NCOA7: variants seen among roughly 807,000 people sequenced by gnomAD.
NCOA7 encodes 140 kDa estrogen receptor-associated protein.
NCOA7 carries 45 observed loss-of-function variants against 104.3 expected under a neutral mutation model. The observed-to-expected ratio is 0.43, with a 90% CI of 0.34 to 0.55. NCOA7 has a LOEUF of 0.55. Ranked by LOEUF, NCOA7 falls within the 20% of genes least tolerant of loss-of-function variation. NCOA7 has a pLI of 0.02. For synonymous variants in NCOA7, 398 were observed against 402.3 expected, an observed-to-expected ratio of 0.99 and a Z score of 0.13; for missense variants, 1,041 against 1,119.7, an observed-to-expected ratio of 0.93 and a Z score of 1.00.
intron 8 of NCOA7, among the ~76,000 whole-genome samples, chr6:125,888,231 G>T (rs1219613910): frequency 6.6e-6 from 1 of 152,146 alleles, no homozygotes; most frequent in East Asian, 1.9e-4. Flanking sequence ...ATTTACTTAA[G>T]AAATGTAAGT....
intron 10 of NCOA7, among the ~76,000 whole-genome samples, chr6:125,891,229 C>A (rs1784598688): frequency 6.6e-6 from 1 of 152,114 alleles, no homozygotes; most frequent in African/African-American, 2.4e-5. Context: ...GATTTATTGT[C>A]CTTATGGAGG....
At chr6:125,928,324 G>T in intron 15 of NCOA7, 77 bp downstream of exon 15, 1 of 1,319,666 alleles carries the variant, frequency 7.6e-7, no homozygotes, top group Non-Finnish European at 1.1e-6. Flanking sequence ...GACCTACGTA[G>T]TTAAAACTTC....
In NCOA7 at chr6:125,864,958, T is replaced by C. The variant is rs1416719494; in HGVS notation, c.271+9718T>C. Among the ~76,000 whole-genome samples, 2 of 138,068 alleles carry C rather than the reference T, an allele frequency of 1.4e-5. 1 individual carries two copies. Among genetic ancestry groups the C allele is most frequent in the Non-Finnish European group, 3.1e-5 (2 of 64,912 alleles). The allele number at this position is 138,068 out of a possible 152,430, so 90.6% of individuals were successfully genotyped here. ...AGAAAAAGCTGTTTTCAATAAAGTA[T>C]TTTGGAGGGTGGGAAAGAGGGTAAG... On this transcript the variant is annotated intron_variant, in intron 3 of 15. Coordinates refer to ENST00000392477, the MANE Select transcript of NCOA7 (RefSeq NM_181782.5).
At chr6:125,904,751 C>A (rs1464692108) in intron 10 of NCOA7, among the ~76,000 whole-genome samples, 2 of 152,196 alleles carry the variant, frequency 1.3e-5, no homozygotes, top group African/African-American at 4.8e-5. Flanking sequence ...AGCTCCCAGG[C>A]AGCCCCAAAG....
At chr6:125,899,660 A>G (rs1384532880) in intron 10 of NCOA7, among the ~76,000 whole-genome samples, 3 of 152,146 alleles carry the variant, frequency 2.0e-5, no homozygotes, top group African/African-American at 7.2e-5. Context: ...CCCTAAACAA[A>G]TATGTAATTA....
At chr6:125,786,612 C>T (rs1054523019), upstream of NCOA7, among the ~76,000 whole-genome samples, 2 of 147,944 alleles carry the variant, frequency 1.4e-5, no homozygotes, top group African/African-American at 2.5e-5. Context: ...AGTCCGGCTC[C>T]GTCGCCCAGG....
intron 5 of NCOA7, 25 bp from the exon 6 acceptor site, chr6:125,881,065 C>T (rs370735640): frequency 6.1e-6 from 9 of 1,480,892 alleles, no homozygotes; most frequent in Non-Finnish European, 7.6e-6. Flanking sequence ...CTGGTACTCA[C>T]CCATCTGTTC....
chr6:125,885,763 C>A (rs960022986), intron 8 of NCOA7, among the ~76,000 whole-genome samples: 1 of 152,178 alleles, frequency 6.6e-6, no homozygotes, highest in South Asian at 2.1e-4. Flanking sequence ...AAGCAGTCTC[C>A]CTGATTCATG....
intron 10 of NCOA7, chr6:125,913,598 A>C (rs1183180832): frequency 2.2e-6 from 2 of 922,682 alleles, no homozygotes; most frequent in East Asian, 2.3e-4. Context: ...GTAACATGTC[A>C]TATACACTGA....
chr6:125,811,323 G>A (rs76134161), intron 1 of NCOA7, among the ~76,000 whole-genome samples: 5,946 of 152,250 alleles, frequency 0.039, 369 homozygotes, highest in African/African-American at 0.13. Context: ...TGGATTTTCT[G>A]CCTACTTATG....
Position 125,889,529 on chromosome 6 carries a change from T to C in NCOA7, c.1475T>C (p.Ile492Thr), listed in dbSNP as rs752755646. 35 of 1,613,940 alleles carry C rather than the reference T, an allele frequency of 2.2e-5. No homozygotes were observed. The highest frequency in any genetic ancestry group is 6.7e-5 in the African/African-American group (5 of 74,900). ...TTAGAAACCTGTGAGAAGCAAGATA[T>C]AATGCCAGAAGTGGACAAGCAGTCT... ...LDLETCEKQD[I>T]MPEVDKQSGS... is the part of the protein sequence containing the mutation. The change falls in exon 9 of 16, where the codon ATA becomes ACA. Residue 492 changes from isoleucine (I) to threonine (T), a missense_variant. Ile to Thr is a moderately conservative substitution (Grantham distance 89, BLOSUM62 -1). Around this residue, in one of 2 missense-constraint regions of NCOA7, gnomAD observed 914 missense variants for 942.7 expected, o/e 0.97. Transcript: ENST00000392477.
At chr6:125,885,432 A>AT (rs1784178145) in intron 8 of NCOA7, 89 bp downstream of exon 8, 1 of 1,329,340 alleles carries the variant, frequency 7.5e-7, no homozygotes, top group African/African-American at 1.4e-5. Context: ...TGATTGAGGG[A>AT]TTGTGTAGAG....
Position 125,885,344 on chromosome 6 carries a change from G to A in NCOA7, c.884+1G>A. The stretch of plus-strand genomic sequence containing the variant: ...TGAAGATCAAAGATGCCTTGCCATC[G>A]TAAGACATTTATTTGTTTACCAGGA... On this transcript the variant is annotated splice_donor_variant, in intron 8 of 15. Transcript: ENST00000392477. LOFTEE classifies it high-confidence loss of function. 1.2e-6 allele frequency: 2 copies of A among 1,612,544 alleles called. No individual in the cohort carries two copies. Among genetic ancestry groups the A allele is most frequent in the Non-Finnish European group, 1.7e-6 (2 of 1,178,822 alleles).
chr6:125,857,946 A>C (rs890979429), intron 3 of NCOA7, among the ~76,000 whole-genome samples: 1 of 150,342 alleles, frequency 6.7e-6, no homozygotes, highest in African/African-American at 2.5e-5. Context: ...TAACCTTTTT[A>C]TGTGGTATAC....
intron 5 of NCOA7, among the ~76,000 whole-genome samples, chr6:125,879,014 T>C (rs1400017964): frequency 6.6e-6 from 1 of 152,204 alleles, no homozygotes; most frequent in Non-Finnish European, 1.5e-5. Flanking sequence ...CTATGTTACC[T>C]AATACTTTTT....
intron 10 of NCOA7, among the ~76,000 whole-genome samples, chr6:125,911,640 T>C (rs1317065543): frequency 6.6e-6 from 1 of 152,200 alleles, no homozygotes; most frequent in African/African-American, 2.4e-5. Context: ...TCATGCTGAA[T>C]AGGGGCAATG....
At chr6:125,901,048 G>A (rs1040747532) in intron 10 of NCOA7, among the ~76,000 whole-genome samples, 20 of 152,182 alleles carry the variant, frequency 1.3e-4, no homozygotes, top group African/African-American at 4.6e-4. Flanking sequence ...ACCCCCAGAA[G>A]TTTTAGACAG....
chr6:125,925,054 C>T (rs1787912712), intron 13 of NCOA7, among the ~76,000 whole-genome samples: 1 of 152,194 alleles, frequency 6.6e-6, no homozygotes, highest in African/African-American at 2.4e-5. Context: ...GCTCTCATTT[C>T]AGCTCACAGG....
At chr6:125,856,439 G>C (rs887419292) in intron 3 of NCOA7, among the ~76,000 whole-genome samples, 1 of 152,016 alleles carries the variant, frequency 6.6e-6, no homozygotes, top group African/African-American at 2.4e-5. Context: ...TGTAAGCTCT[G>C]CCTCCCGGGT....
Sources: allele counts gnomAD v4.1 joint callset (sites outside exome capture counted in the v4.1 genomes callset), GRCh38; gene constraint gnomAD v4.1.1; regional missense constraint gnomAD v4.1.1; transcripts MANE v1.5; gene names NCBI Gene and HGNC (gene_info 2026-07-23, HGNC 2026-07-21).